WDR27: variants seen among roughly 807,000 people sequenced by gnomAD.
The protein encoded by WDR27 is WD repeat-containing protein 27.
In WDR27, 100 loss-of-function variants were observed where a neutral mutation model predicts 114.4. The ratio of observed to expected loss-of-function variants is 0.87; its 90% CI spans 0.74 to 1.03. The LOEUF is 1.03. WDR27 is among the 50% of genes least tolerant of loss of function. WDR27 has a pLI of 0.00. For missense variants in WDR27, 1,129 were observed against 1,092.9 expected (o/e 1.03, Z -0.47); for synonymous variants, 449 against 423.1 (o/e 1.06, Z -0.75).
chr6:169,648,963 T>G (rs1353967032), intron 15 of WDR27, among the ~76,000 whole-genome samples: 1 of 152,254 alleles, frequency 6.6e-6, no homozygotes, highest in East Asian at 1.9e-4. Context: ...TAACAAAAAT[T>G]TATTATTTCA....
intron 25 of WDR27, among the ~76,000 whole-genome samples, chr6:169,483,545 A>G (rs1788482737): frequency 1.3e-5 from 2 of 152,204 alleles, no homozygotes; most frequent in Non-Finnish European, 2.9e-5. Context: ...GCTCAGGATC[A>G]AATGTTTTCA....
At chr6:169,541,640 T>G (rs1258866309) in intron 25 of WDR27, among the ~76,000 whole-genome samples, 1 of 152,226 alleles carries the variant, frequency 6.6e-6, no homozygotes, top group East Asian at 1.9e-4. Context: ...TTGGTCTAAC[T>G]GACAGATGAC....
chr6:169,471,011 C>T lies in WDR27; in HGVS notation c.2646-13377G>A, dbSNP rs117409173. On this transcript the variant is annotated intron_variant, in intron 25 of 25. Transcript: ENST00000448612. Reference sequence around the variant, plus strand: ...ACTAAGTGCAGCCACATGGGGCTTTCGCTCTTGCAGGTGGTTGATAGTAGC... The same window carrying T: ...ACTAAGTGCAGCCACATGGGGCTTTTGCTCTTGCAGGTGGTTGATAGTAGC... Among the ~76,000 whole-genome samples the T allele has an allele frequency of 8.4e-3, 1,274 of 152,212 alleles. 9 individuals are homozygous for T. The highest frequency in any genetic ancestry group is 0.015 in the Non-Finnish European group (1,004 of 68,008).
At chr6:169,621,069 T>A (rs1164901357) in intron 21 of WDR27, among the ~76,000 whole-genome samples, 2 of 152,226 alleles carry the variant, frequency 1.3e-5, no homozygotes, top group East Asian at 3.8e-4. Context: ...CACAGAACAC[T>A]GCCAAGTGCA....
intron 25 of WDR27, among the ~76,000 whole-genome samples, chr6:169,483,366 C>T (rs1788453282): frequency 6.6e-6 from 1 of 152,160 alleles, no homozygotes; most frequent in Non-Finnish European, 1.5e-5. Flanking sequence ...AGACATACAA[C>T]CATCAGAGAC....
At chr6:169,641,294 G>A (rs1819095614) in intron 17 of WDR27, among the ~76,000 whole-genome samples, 1 of 152,166 alleles carries the variant, frequency 6.6e-6, no homozygotes, top group African/African-American at 2.4e-5. Flanking sequence ...GTGCATCGAA[G>A]ACGAATCACC....
intron 1 of WDR27, among the ~76,000 whole-genome samples, chr6:169,691,196 C>G (rs993710011): frequency 2.0e-5 from 3 of 151,994 alleles, no homozygotes; most frequent in African/African-American, 4.8e-5. Context: ...GCCTGGGCAA[C>G]AGAGCGAGAC....
chr6:169,627,593 C>A (rs1815191629), intron 21 of WDR27, among the ~76,000 whole-genome samples: 1 of 152,216 alleles, frequency 6.6e-6, no homozygotes, highest in Non-Finnish European at 1.5e-5. Flanking sequence ...CGAGGCGAGC[C>A]AGGCCCAGCG....
intron 14 of WDR27, among the ~76,000 whole-genome samples, chr6:169,650,015 A>C: frequency 8.8e-6 from 1 of 113,420 alleles, no homozygotes; most frequent in Non-Finnish European, 1.8e-5. Context: ...TTCCCCCTCC[A>C]TCCATCCACC....
intron 21 of WDR27, among the ~76,000 whole-genome samples, chr6:169,621,733 T>C (rs1271117124): frequency 2.2e-5 from 3 of 136,322 alleles, no homozygotes; most frequent in Non-Finnish European, 3.2e-5. Flanking sequence ...CATTCACACA[T>C]ATACATACAC....
intron 23 of WDR27, among the ~76,000 whole-genome samples, chr6:169,600,538 C>T (rs1807765479): frequency 6.6e-6 from 1 of 152,060 alleles, no homozygotes; most frequent in South Asian, 2.1e-4. Flanking sequence ...GAAGTTCGAA[C>T]CCATGGCAAA....
intron 20 of WDR27, among the ~76,000 whole-genome samples, chr6:169,633,483 G>A (rs762264671): frequency 6.6e-5 from 10 of 152,228 alleles, no homozygotes; most frequent in Non-Finnish European, 1.5e-4. Flanking sequence ...ACAGCACCTG[G>A]GGCAGGCTTC....
At position 169,553,441 on chromosome 6, in the gene WDR27, T is replaced by C. The variant is rs9477988; in HGVS notation, c.2645+18978A>G. Among the ~76,000 whole-genome samples, 719 of 152,252 alleles carry C rather than the reference T, an allele frequency of 4.7e-3. 7 individuals carry two copies. The highest frequency in any genetic ancestry group is 0.016 in the African/African-American group (663 of 41,544). On this transcript the variant is annotated intron_variant, in intron 25 of 25. Transcript: ENST00000448612. ...TTATGACACATCTTAGAATATAAATTAGAAATGGAGTGCCACAAAAGTGTC... is the reference window on the plus strand; with the variant it reads ...TTATGACACATCTTAGAATATAAATCAGAAATGGAGTGCCACAAAAGTGTC...
the WDR27 span, among the ~76,000 whole-genome samples, chr6:169,444,445 T>A: frequency 2.9e-4 from 44 of 152,224 alleles, no homozygotes; most frequent in South Asian, 5.2e-3. Flanking sequence ...GTGAGATGGG[T>A]CTCTTTGGGA....
chr6:169,441,388 G>A, the WDR27 span, among the ~76,000 whole-genome samples: 1 of 152,160 alleles, frequency 6.6e-6, no homozygotes, highest in Non-Finnish European at 1.5e-5. Flanking sequence ...AATTAATGAT[G>A]TGAACTGAAG....
At chr6:169,667,290 T>C in intron 5 of WDR27, 103 bp from the exon 6 acceptor site, 1 of 1,281,650 alleles carries the variant, frequency 7.8e-7, no homozygotes, top group Non-Finnish European at 9.9e-7. Context: ...TCAACACAAA[T>C]GGTTATCTAA....
Position 169,602,230 on chromosome 6 carries a change from C to T in WDR27, c.2413G>A (p.Glu805Lys), listed in dbSNP as rs911738210. Reference protein sequence around the residue: ...PCGRFAACGAEDRHAYVYEMG... With the variant: ...PCGRFAACGAKDRHAYVYEMG... ...CAAACAGTACATACGTGTCTGTCCT[C>T]GGCCCCACAAGCCGCGAATCGTCCA... The change falls in exon 23 of 26, where the codon GAG (glutamate) becomes AAG (lysine). Residue 805 changes from glutamate (E) to lysine (K), a missense_variant. Coordinates refer to ENST00000448612, the MANE Select transcript of WDR27 (RefSeq NM_182552.5). The T allele has an allele frequency of 9.6e-6, 15 of 1,556,392 alleles. No homozygotes were observed. Among genetic ancestry groups the T allele is most frequent in the Middle Eastern group, 1.7e-4 (1 of 6,020 alleles).
chr6:169,679,637 C>T (rs2128312131), intron 2 of WDR27, among the ~76,000 whole-genome samples: 1 of 152,250 alleles, frequency 6.6e-6, no homozygotes, highest in East Asian at 1.9e-4. Context: ...CTGTTTTCAC[C>T]CTGTGAAGTA....
At chr6:169,609,209 A>G (rs1017432156) in intron 22 of WDR27, among the ~76,000 whole-genome samples, 19 of 152,092 alleles carry the variant, frequency 1.2e-4, no homozygotes, top group African/African-American at 4.6e-4. Context: ...CTGTAGATGG[A>G]TCTATCATTC....
Sources: gnomAD v4.1 joint callset for allele counts (sites outside exome capture counted in the v4.1 genomes callset) on GRCh38, gnomAD v4.1.1 for gene constraint, MANE v1.5 for transcripts, NCBI Gene and HGNC (gene_info 2026-07-23, HGNC 2026-07-21) for gene names.